The following SGIP1 variants were observed in gnomAD, a reference collection of about 807,000 sequenced individuals.
SGIP1 encodes SH3-containing GRB2-like protein 3-interacting protein 1.
Under a neutral mutation model 107.5 loss-of-function variants are expected in SGIP1, and 38 were observed. The observed-to-expected ratio is 0.35, with a 90% CI of 0.27 to 0.46. SGIP1 has a LOEUF of 0.46. Ranked by LOEUF, SGIP1 falls within the 20% of genes least tolerant of loss-of-function variation. SGIP1 has a pLI of 1.00. For synonymous variants in SGIP1, 365 were observed against 366.1 expected (o/e 1.00, Z 0.03); for missense variants, 929 against 1,019.5 (o/e 0.91, Z 1.21).
chr1:66,611,304 C>T (rs2067949047), intron 1 of SGIP1, among the ~76,000 whole-genome samples: 1 of 152,182 alleles, frequency 6.6e-6, no homozygotes, highest in South Asian at 2.1e-4. Flanking sequence ...TTCATAGTAA[C>T]ATAAGTAGCA....
At chr1:66,719,075 T>C (rs1399718811) in intron 18 of SGIP1, among the ~76,000 whole-genome samples, 1 of 152,152 alleles carries the variant, frequency 6.6e-6, no homozygotes, top group East Asian at 1.9e-4. Flanking sequence ...AAATACATAA[T>C]TGAATTAATT....
upstream of SGIP1, chr1:66,534,131 G>A (rs1176569950): frequency 8.4e-6 from 5 of 596,672 alleles, no homozygotes; most frequent in African/African-American, 5.6e-5. Context: ...CCAGCTTGCC[G>A]TTCCTCTCCC....
intron 1 of SGIP1, among the ~76,000 whole-genome samples, chr1:66,535,022 G>A (rs2053261795): frequency 6.6e-6 from 1 of 152,172 alleles, no homozygotes; most frequent in African/African-American, 2.4e-5. Context: ...CTCCCTAAAT[G>A]CTTTCCCTGT....
At chr1:66,594,619 C>G (rs2064260147) in intron 1 of SGIP1, among the ~76,000 whole-genome samples, 2 of 152,102 alleles carry the variant, frequency 1.3e-5, no homozygotes, top group South Asian at 4.2e-4. Context: ...GCGGCCCAGA[C>G]TCACCAGAGA....
At chr1:66,586,601 CT>C (rs2148817040) in intron 1 of SGIP1, among the ~76,000 whole-genome samples, 1 of 152,188 alleles carries the variant, frequency 6.6e-6, no homozygotes, top group South Asian at 2.1e-4. Context: ...CCTTTATGCC[CT>C]TTAATCCTTC....
At position 66,745,919 on chromosome 1, in the gene SGIP1, A is replaced by G. The variant is rs560494942; in HGVS notation, c.*2824A>G. 1 of 152,152 alleles carries G rather than the reference A, an allele frequency of 6.6e-6. No individual in the cohort carries two copies. The highest frequency in any genetic ancestry group is 2.4e-5 in the African/African-American group (1 of 41,454). The allele number at this position is 152,152 out of a possible 1,614,324, so 9.4% of individuals were successfully genotyped here. A position where few individuals can be genotyped will look rare whatever the true frequency, so the allele number is the denominator to read the frequency against. The stretch of plus-strand genomic sequence containing the variant: ...TATAATTACTAAGAATTAAATTTTT[A>G]ATCATTTTTAAAGCTGTGTTCTTCT... On this transcript the variant is annotated 3_prime_UTR_variant, in exon 25 of 25. Transcript: ENST00000371037.
chr1:66,730,413 A>C (rs2093953881), intron 20 of SGIP1, among the ~76,000 whole-genome samples: 1 of 152,172 alleles, frequency 6.6e-6, no homozygotes, highest in African/African-American at 2.4e-5. Context: ...GAATGAGCTG[A>C]AAGAAGTCTT....
At chr1:66,677,254 G>A (rs575162079) in intron 13 of SGIP1, among the ~76,000 whole-genome samples, 158 bp downstream of exon 13, 9 of 152,324 alleles carry the variant, frequency 5.9e-5, no homozygotes, top group Admixed American at 1.3e-4. Flanking sequence ...TCAAGTTAAA[G>A]AACTCAGGGC....
intron 2 of SGIP1, chr1:66,626,137 CTTTTT>C (rs35959436): frequency 8.0e-4 from 98 of 123,252 alleles, no homozygotes; most frequent in East Asian, 2.1e-3. Flanking sequence ...TTCTTTCTTT[CTTTTT>C]TTTTTTTTTT....
intron 17 of SGIP1, among the ~76,000 whole-genome samples, chr1:66,691,776 C>G (rs1375643110): frequency 6.6e-6 from 1 of 152,176 alleles, no homozygotes; most frequent in Non-Finnish European, 1.5e-5. Flanking sequence ...AGTAAACTGT[C>G]ACTCAGAAAG....
At chr1:66,731,189 C>T (rs983950953) in intron 20 of SGIP1, among the ~76,000 whole-genome samples, 2 of 152,114 alleles carry the variant, frequency 1.3e-5, no homozygotes, top group African/African-American at 2.4e-5. Context: ...CTGTGCAAAC[C>T]GTGAGGGAAT....
At chr1:66,607,403 G>A (rs2067066625) in intron 1 of SGIP1, among the ~76,000 whole-genome samples, 1 of 152,210 alleles carries the variant, frequency 6.6e-6, no homozygotes, top group African/African-American at 2.4e-5. Context: ...TGAACAGCAA[G>A]CTATGTCAGA....
At chr1:66,570,756 C>G (rs554350991) in intron 1 of SGIP1, among the ~76,000 whole-genome samples, 1 of 151,848 alleles carries the variant, frequency 6.6e-6, no homozygotes, top group Non-Finnish European at 1.5e-5. Context: ...ACTTGCTCAC[C>G]CACCATGATT....
chr1:66,690,155 T>C, intron 16 of SGIP1, 35 bp from the exon 17 acceptor site: 1 of 1,607,732 alleles, frequency 6.2e-7, no homozygotes, highest in Non-Finnish European at 8.5e-7. Context: ...GCAACCTGTG[T>C]ATCTAACTTT....
intron 3 of SGIP1, among the ~76,000 whole-genome samples, chr1:66,635,136 T>A (rs2075533114): frequency 6.6e-6 from 1 of 152,252 alleles, no homozygotes; most frequent in Non-Finnish European, 1.5e-5. Context: ...TAATGTACTG[T>A]TGTTTATTTA....
chr1:66,661,269 C>G (rs1390754405), intron 8 of SGIP1, among the ~76,000 whole-genome samples: 1 of 152,336 alleles, frequency 6.6e-6, no homozygotes, highest in East Asian at 1.9e-4. Flanking sequence ...GGTGACCTCT[C>G]TGCTGGAAAA....
intron 16 of SGIP1, 134 bp from the exon 17 acceptor site, chr1:66,690,056 C>T (rs1202694523): frequency 3.3e-5 from 32 of 977,536 alleles, no homozygotes; most frequent in Non-Finnish European, 3.5e-5. Flanking sequence ...GAATTAATTT[C>T]AGTGTAAAAA....
At chr1:66,706,109 A>G (rs532765540) in intron 18 of SGIP1, among the ~76,000 whole-genome samples, 1 of 152,012 alleles carries the variant, frequency 6.6e-6, no homozygotes, top group East Asian at 1.9e-4. Context: ...AAAACAAAAC[A>G]AAAAAACTTC....
At chr1:66,548,372 A>C (rs935668812) in intron 1 of SGIP1, among the ~76,000 whole-genome samples, 3 of 152,012 alleles carry the variant, frequency 2.0e-5, no homozygotes, top group African/African-American at 7.2e-5. Context: ...CCCCCAAGCC[A>C]CTCATTGGCA....
Sources: gnomAD v4.1 joint callset for allele counts (sites outside exome capture counted in the v4.1 genomes callset) on GRCh38, gnomAD v4.1.1 for gene constraint, MANE v1.5 for transcripts, NCBI Gene and HGNC (gene_info 2026-07-23, HGNC 2026-07-21) for gene names.